FAM13A: variants seen among roughly 807,000 people sequenced by gnomAD.
FAM13A encodes the protein family with sequence similarity 13 member A.
FAM13A carries 76 observed loss-of-function variants against 129.6 expected under a neutral mutation model. The ratio of observed to expected loss-of-function variants is 0.59; its 90% confidence interval spans 0.49 to 0.71. The LOEUF (loss-of-function observed/expected upper bound fraction) is 0.71. Among genes scored for constraint, FAM13A ranks in the 30% least tolerant of loss-of-function variants. The pLI, the probability that FAM13A is intolerant of heterozygous loss-of-function variation, is 0.00. For missense variants in FAM13A, 1,108 were observed against 1,249.3 expected, an observed-to-expected ratio of 0.89 and a Z score of 1.70; for synonymous variants, 443 against 449.9, an observed-to-expected ratio of 0.98 and a Z score of 0.20.
intron 4 of FAM13A, among the ~76,000 whole-genome samples, chr4:88,957,470 A>G (rs1757934169): frequency 6.6e-6 from 1 of 152,192 alleles, no homozygotes. Flanking sequence ...CAGAATGATG[A>G]GCCAATTAGA....
intron 7 of FAM13A, among the ~76,000 whole-genome samples, chr4:88,807,491 T>A (rs1411397268): frequency 6.6e-6 from 1 of 152,226 alleles, no homozygotes; most frequent in Non-Finnish European, 1.5e-5. Context: ...ATTCAGATGA[T>A]GCAGCTAGTG....
At chr4:88,946,086 G>GC (rs1277199883) in intron 4 of FAM13A, among the ~76,000 whole-genome samples, 1 of 143,864 alleles carries the variant, frequency 7.0e-6, no homozygotes, top group African/African-American at 2.6e-5. Context: ...ACAAGCCCCA[G>GC]CCCATAGTAC....
chr4:88,866,325 C>A (rs977519605), intron 6 of FAM13A, among the ~76,000 whole-genome samples: 1 of 152,072 alleles, frequency 6.6e-6, no homozygotes, highest in Admixed American at 6.5e-5. Context: ...GGATTACAGG[C>A]GTGAGGCACT....
intron 4 of FAM13A, among the ~76,000 whole-genome samples, chr4:88,947,811 A>G (rs554526801): frequency 6.6e-6 from 1 of 151,394 alleles, no homozygotes; most frequent in Non-Finnish European, 1.5e-5. Flanking sequence ...ATTTGTTACA[A>G]TTTTGTGTTT....
chr4:88,822,080 A>T (rs970474990), intron 7 of FAM13A, among the ~76,000 whole-genome samples: 7 of 150,932 alleles, frequency 4.6e-5, no homozygotes, highest in South Asian at 4.2e-4. Flanking sequence ...TTGATTTAAA[A>T]TTTTTTTTTT....
chr4:88,947,427 C>A (rs1756095069), intron 4 of FAM13A, among the ~76,000 whole-genome samples: 1 of 151,970 alleles, frequency 6.6e-6, no homozygotes, highest in African/African-American at 2.4e-5. Flanking sequence ...CAACAAAAAA[C>A]ACACAGAAAT....
intron 7 of FAM13A, among the ~76,000 whole-genome samples, chr4:88,842,013 A>G (rs1735915671): frequency 6.6e-6 from 1 of 152,258 alleles, no homozygotes; most frequent in African/African-American, 2.4e-5. Context: ...ATGTACGTCA[A>G]CTAATGAGTG....
chr4:88,906,498 A>G (rs764255958), intron 5 of FAM13A, 36 bp from the exon 6 acceptor site: 1 of 1,436,876 alleles, frequency 7.0e-7, no homozygotes, highest in South Asian at 1.2e-5. Context: ...TTAGAGATTA[A>G]AGAACACTTA....
intron 1 of FAM13A, among the ~76,000 whole-genome samples, chr4:89,037,261 C>A (rs542186621): frequency 6.6e-6 from 1 of 152,324 alleles, no homozygotes; most frequent in South Asian, 2.1e-4. Context: ...CCTTGGGAGC[C>A]CACACCTTGC....
intron 1 of FAM13A, among the ~76,000 whole-genome samples, chr4:89,039,216 T>C (rs1170105086): frequency 3.3e-5 from 5 of 152,208 alleles, no homozygotes; most frequent in Admixed American, 3.3e-4. Flanking sequence ...AGTATCAGCC[T>C]GGACTTTTCA....
chr4:88,982,829 G>T (rs1761808028), intron 4 of FAM13A, among the ~76,000 whole-genome samples: 1 of 152,144 alleles, frequency 6.6e-6, no homozygotes, highest in Non-Finnish European at 1.5e-5. Flanking sequence ...ACTCTGTGAG[G>T]TGATGCCCAG....
intron 5 of FAM13A, among the ~76,000 whole-genome samples, chr4:88,932,372 A>G (rs751370701): frequency 6.6e-6 from 1 of 152,236 alleles, no homozygotes; most frequent in Admixed American, 6.5e-5. Flanking sequence ...CACAATGTCT[A>G]GCATAAAGCC....
In FAM13A at chr4:88,825,227, T is replaced by TTTG. The variant is rs1553996182; in HGVS notation, c.1008-20176_1008-20175insCAA. Among the ~76,000 whole-genome samples, 3 of 149,458 alleles carry TTTG rather than the reference T, an allele frequency of 2.0e-5. 1 individual carries two copies. The highest frequency in any genetic ancestry group is 7.4e-5 in the African/African-American group (3 of 40,506). On this transcript the variant is annotated intron_variant, in intron 7 of 23. Coordinates refer to ENST00000264344, the MANE Select transcript of FAM13A (RefSeq NM_014883.4). ...TCTATTCTGTGTGAATTTTTTTTTT[T>TTTG]GGGGGGGGGATGGAATCTTGCTCTG...
intron 1 of FAM13A, among the ~76,000 whole-genome samples, chr4:89,053,629 G>A (rs2464517): frequency 0.25 from 37,602 of 151,946 alleles, 4,746 homozygotes; most frequent in Non-Finnish European, 0.28. Context: ...GAGGCCTGGG[G>A]CATTCTTGAA....
chr4:88,768,664 T>C (rs1746178757), intron 11 of FAM13A, among the ~76,000 whole-genome samples: 1 of 152,180 alleles, frequency 6.6e-6, no homozygotes, highest in Non-Finnish European at 1.5e-5. Context: ...ACCTAAGCTG[T>C]AAAATATCTA....
chr4:88,883,308 A>G (rs1743886139), intron 6 of FAM13A, among the ~76,000 whole-genome samples: 1 of 152,160 alleles, frequency 6.6e-6, no homozygotes, highest in African/African-American at 2.4e-5. Context: ...AAATATATCA[A>G]GTATGCTCTC....
intron 7 of FAM13A, among the ~76,000 whole-genome samples, chr4:88,831,152 T>C (rs762057995): frequency 6.6e-6 from 1 of 152,216 alleles, no homozygotes; most frequent in South Asian, 2.1e-4. Flanking sequence ...TTAGTGATTA[T>C]TGCCAATAAA....
At chr4:88,938,563 G>A (rs1228614326) in intron 4 of FAM13A, among the ~76,000 whole-genome samples, 1 of 152,070 alleles carries the variant, frequency 6.6e-6, no homozygotes, top group Admixed American at 6.6e-5. Flanking sequence ...AAAAGAATGA[G>A]GGTTTTCATA....
intron 5 of FAM13A, among the ~76,000 whole-genome samples, chr4:88,922,564 A>C (rs1751311315): frequency 6.6e-6 from 1 of 152,136 alleles, no homozygotes; most frequent in Non-Finnish European, 1.5e-5. Flanking sequence ...GTGTAGAGGG[A>C]AATTTATAGC....
Sources: allele counts gnomAD v4.1 joint callset (sites outside exome capture counted in the v4.1 genomes callset), GRCh38; gene constraint gnomAD v4.1.1; transcripts MANE v1.5; gene names NCBI Gene and HGNC (gene_info 2026-07-23, HGNC 2026-07-21).